The following SFXN5 variants were observed in gnomAD, a reference collection of about 807,000 sequenced individuals.
The protein encoded by SFXN5 is sideroflexin-5.
Under a neutral mutation model 50.2 loss-of-function variants are expected in SFXN5, and 43 were observed. That is an observed-to-expected ratio of 0.86 (90% confidence interval 0.67 to 1.11). SFXN5 has a LOEUF of 1.11. Among genes scored for constraint, SFXN5 ranks in the 50% least tolerant of loss-of-function variants. SFXN5 has a pLI of 0.00. For synonymous variants in SFXN5, 203 were observed against 185.8 expected, an observed-to-expected ratio of 1.09 and a Z score of -0.75; for missense variants, 463 against 454.1, an observed-to-expected ratio of 1.02 and a Z score of -0.18.
Position 72,953,187 on chromosome 2 carries a change from G to A in SFXN5, c.945+7944C>T, listed in dbSNP as rs949485672. Among the ~76,000 whole-genome samples the A allele has an allele frequency of 1.3e-5, 2 of 152,148 alleles. No homozygotes were observed. The highest frequency in any genetic ancestry group is 6.5e-5 in the Admixed American group (1 of 15,278). ...GCGTTGGCGTTCCTGGGCTCTGAGC[G>A]GCTTTGCCATTCCCATCCATCCCTC... On this transcript the variant is annotated intron_variant, in intron 13 of 13. Coordinates refer to ENST00000272433, the MANE Select transcript of SFXN5 (RefSeq NM_144579.3). This position sits in a 1 kb window ranked among gnomAD's most constrained non-coding sequence, Gnocchi z 4.1.
At position 72,953,601 on chromosome 2, in the gene SFXN5, A is replaced by T. The variant is rs937171716; in HGVS notation, c.945+7530T>A. 2.6e-5 allele frequency among the ~76,000 whole-genome samples: 4 copies of T among 152,174 alleles called. No individual in the cohort carries two copies. The highest frequency in any genetic ancestry group is 5.9e-5 in the Non-Finnish European group (4 of 68,032). The stretch of plus-strand genomic sequence containing the variant: ...GCCACAGGGACACCTTGTGTCATGG[A>T]AGGGAGAAAGGTCTACTGTCCTAAG... On this transcript the variant is annotated intron_variant, in intron 13 of 13. Coordinates refer to ENST00000272433, the MANE Select transcript of SFXN5 (RefSeq NM_144579.3). The surrounding 1 kb of genome is among the most constrained non-coding windows in gnomAD (Gnocchi z 4.1).
intron 2 of SFXN5, among the ~76,000 whole-genome samples, chr2:73,050,421 C>CACACACACACACACACACACACACA (rs1240561312): frequency 3.4e-5 from 5 of 148,482 alleles, no homozygotes; most frequent in Admixed American, 6.7e-5. Context: ...CACACACACA[C>CACACACACACACACACACACACACA]CCCTGCAGAG....
chr2:72,948,230 G>A (rs552133099), intron 13 of SFXN5, among the ~76,000 whole-genome samples: 10 of 152,270 alleles, frequency 6.6e-5, no homozygotes, highest in East Asian at 3.9e-4. Flanking sequence ...CTTAATCAAC[G>A]TTTAACCTCT....
At chr2:72,972,843 T>C (rs572418535) in intron 10 of SFXN5, among the ~76,000 whole-genome samples, 4 of 152,152 alleles carry the variant, frequency 2.6e-5, no homozygotes, top group Non-Finnish European at 5.9e-5. Flanking sequence ...TGTGTGAGCC[T>C]GGGAGCGACT....
intron 10 of SFXN5, among the ~76,000 whole-genome samples, chr2:72,987,279 T>C (rs1360465804): frequency 6.6e-6 from 1 of 151,730 alleles, no homozygotes; most frequent in East Asian, 2.0e-4. Context: ...CCAGCTAATT[T>C]TTCTATGTTT....
At chr2:73,009,566 G>A (rs1675225156) in intron 6 of SFXN5, among the ~76,000 whole-genome samples, 2 of 152,208 alleles carry the variant, frequency 1.3e-5, no homozygotes, top group African/African-American at 4.8e-5. Context: ...TGGCTGCCTC[G>A]TAGAGCTGCT....
chr2:73,006,156 C>T (rs1001341508), intron 6 of SFXN5, among the ~76,000 whole-genome samples: 6 of 150,990 alleles, frequency 4.0e-5, no homozygotes, highest in African/African-American at 9.7e-5. Context: ...GAGGTTGCCA[C>T]GAGAAGACAT....
chr2:72,992,417 G>T lies in SFXN5; in HGVS notation c.535-4069C>A, dbSNP rs985487970. Reference sequence around the variant, plus strand: ...GAAGAATGCCTGCATCCCTCTCCCCGCATCTGTGCCCCCACTGCAGCCTGA... The same window carrying T: ...GAAGAATGCCTGCATCCCTCTCCCCTCATCTGTGCCCCCACTGCAGCCTGA... On this transcript the variant is annotated intron_variant, in intron 9 of 13. Transcript: ENST00000272433. This position sits in a 1 kb window ranked among gnomAD's most constrained non-coding sequence, Gnocchi z 4.5. Among the ~76,000 whole-genome samples, 1 of 152,134 alleles carries T rather than the reference G, an allele frequency of 6.6e-6. No homozygotes were observed. Among genetic ancestry groups the T allele is most frequent in the Non-Finnish European group, 1.5e-5 (1 of 68,020 alleles).
At chr2:73,039,610 T>G (rs1679362116) in intron 3 of SFXN5, among the ~76,000 whole-genome samples, 1 of 152,102 alleles carries the variant, frequency 6.6e-6, no homozygotes, top group Admixed American at 6.6e-5. Context: ...CCATAATAGA[T>G]AACCCAAAAG....
chr2:73,018,107 C>G (rs904747600), intron 6 of SFXN5, among the ~76,000 whole-genome samples: 1 of 152,004 alleles, frequency 6.6e-6, no homozygotes, highest in African/African-American at 2.4e-5. Flanking sequence ...ACTCGGGAGG[C>G]TGAGGCAAGA....
At chr2:73,016,929 A>G (rs991621447) in intron 6 of SFXN5, among the ~76,000 whole-genome samples, 1 of 152,202 alleles carries the variant, frequency 6.6e-6, no homozygotes, top group Non-Finnish European at 1.5e-5. Flanking sequence ...AACAGAGTAC[A>G]TTGTAGTATG....
chr2:73,071,484 T>C, intron 1 of SFXN5, 120 bp downstream of exon 1: 1 of 867,580 alleles, frequency 1.2e-6, no homozygotes, highest in South Asian at 1.7e-5. Flanking sequence ...CCCCTGGCGC[T>C]AGCTGCAGGC....
intron 6 of SFXN5, among the ~76,000 whole-genome samples, chr2:73,002,104 T>A (rs932463798): frequency 1.3e-5 from 2 of 152,262 alleles, no homozygotes; most frequent in African/African-American, 4.8e-5. Flanking sequence ...CCTTAAGTGC[T>A]TTGTAAATAC....
intron 2 of SFXN5, 115 bp downstream of exon 2, chr2:73,058,413 T>A (rs762515615): frequency 6.7e-5 from 63 of 935,874 alleles, no homozygotes; most frequent in Non-Finnish European, 1.0e-4. Context: ...CTCTCACCTC[T>A]CACCTCCCCT....
At chr2:72,987,828 C>T (rs994351360) in intron 10 of SFXN5, among the ~76,000 whole-genome samples, 1 of 152,148 alleles carries the variant, frequency 6.6e-6, no homozygotes, top group Non-Finnish European at 1.5e-5. Context: ...ATTTTAAGAC[C>T]TCTGTAACAA....
Position 72,953,588 on chromosome 2 carries a change from C to T in SFXN5, c.945+7543G>A, listed in dbSNP as rs569822084. ...GCACCAGTTCTCTGCCACAGGGACA[C>T]CTTGTGTCATGGAAGGGAGAAAGGT... is the stretch of plus-strand genomic sequence containing the variant. On this transcript the variant is annotated intron_variant, in intron 13 of 13. Transcript: ENST00000272433. This position sits in a 1 kb window ranked among gnomAD's most constrained non-coding sequence, Gnocchi z 4.1. Among the ~76,000 whole-genome samples the T allele has an allele frequency of 6.6e-6, 1 of 152,244 alleles. No homozygotes were observed. Among genetic ancestry groups the T allele is most frequent in the South Asian group, 2.1e-4 (1 of 4,824 alleles).
chr2:72,971,829 T>C (rs1670042188), intron 10 of SFXN5, 144 bp from the exon 11 acceptor site: 1 of 606,870 alleles, frequency 1.6e-6, no homozygotes, highest in Admixed American at 2.7e-5. Context: ...GGTGGTTCTG[T>C]TGTCCATCTG....
At chr2:72,971,449 G>T (rs374982320) in intron 11 of SFXN5, 121 bp downstream of exon 11, 3 of 644,522 alleles carry the variant, frequency 4.7e-6, no homozygotes, top group Non-Finnish European at 8.2e-6. Context: ...GTGAGGAGGA[G>T]ACATCAAGAT....
rs149811133 is a variant in SFXN5 at position 73,036,067 on chromosome 2, A to G, written c.249+4787T>C. On this transcript the variant is annotated intron_variant, in intron 3 of 13. Transcript: ENST00000272433. ...GCAGGCTTCTGGCCCACACACCTGC[A>G]AAGGCATGAGAGCAGGCGCAGAGCC... Among the ~76,000 whole-genome samples, 191 of 152,320 alleles carry G rather than the reference A, an allele frequency of 1.3e-3. 1 individual carries two copies. Among genetic ancestry groups the G allele is most frequent in the African/African-American group, 4.2e-3 (176 of 41,576 alleles).
Sources: allele counts gnomAD v4.1 joint callset (sites outside exome capture counted in the v4.1 genomes callset), GRCh38; gene constraint gnomAD v4.1.1; non-coding constraint Gnocchi (gnomAD v3.1); transcripts MANE v1.5; gene names NCBI Gene and HGNC (gene_info 2026-07-23, HGNC 2026-07-21).